Variants in HECTD2 observed in about 807,000 individuals in gnomAD.
HECTD2 encodes the protein HECT domain E3 ubiquitin protein ligase 2.
A neutral mutation model predicts 103.2 loss-of-function variants in HECTD2; 35 were observed. That is an observed-to-expected ratio of 0.34 (90% CI 0.26 to 0.45). The LOEUF is 0.45. HECTD2 is among the 20% of genes least tolerant of loss of function. The pLI is 1.00. For missense variants in HECTD2, 596 were observed against 937.4 expected (o/e 0.64, Z 4.76); for synonymous variants, 281 against 329.9 (o/e 0.85, Z 1.61).
chr10:91,419,272 A>G (rs1017957940), intron 1 of HECTD2, among the ~76,000 whole-genome samples: 2 of 152,244 alleles, frequency 1.3e-5, no homozygotes, highest in Non-Finnish European at 2.9e-5. Flanking sequence ...TGGCATTGGT[A>G]GAAAAATATG....
At chr10:91,491,132 G>A in intron 11 of HECTD2, 68 bp from the exon 12 acceptor site, 1 of 736,410 alleles carries the variant, frequency 1.4e-6, no homozygotes, top group Non-Finnish European at 2.4e-6. Context: ...TTACTAAAGT[G>A]TTTAAATGTT....
chr10:91,418,920 C>T (rs144768243), intron 1 of HECTD2, among the ~76,000 whole-genome samples: 1 of 152,272 alleles, frequency 6.6e-6, no homozygotes, highest in East Asian at 1.9e-4. Flanking sequence ...CAGGAAGCTA[C>T]TCATTCTTTT....
At chr10:91,416,852 C>A (rs1016390112) in intron 1 of HECTD2, among the ~76,000 whole-genome samples, 4 of 152,110 alleles carry the variant, frequency 2.6e-5, no homozygotes, top group Non-Finnish European at 5.9e-5. Context: ...TATTATCCTT[C>A]CCACCACCCC....
chr10:91,428,102 C>T (rs1219701853), intron 2 of HECTD2, among the ~76,000 whole-genome samples: 2 of 151,226 alleles, frequency 1.3e-5, no homozygotes, highest in African/African-American at 4.9e-5. Flanking sequence ...TATGGCTAGC[C>T]AGTTTTCCCA....
chr10:91,451,481 G>C (rs1478945219), intron 2 of HECTD2, among the ~76,000 whole-genome samples: 1 of 151,758 alleles, frequency 6.6e-6, no homozygotes, highest in African/African-American at 2.4e-5. Flanking sequence ...TAACAAACCT[G>C]CACGTTCTGC....
intron 5 of HECTD2, chr10:91,462,564 G>C: frequency 9.7e-7 from 1 of 1,030,954 alleles, no homozygotes; most frequent in Non-Finnish European, 1.2e-6. Flanking sequence ...TTCAGATTCA[G>C]TAGGTCTTGG....
At chr10:91,504,922 G>T (rs571560897) in intron 20 of HECTD2, among the ~76,000 whole-genome samples, 18 of 152,176 alleles carry the variant, frequency 1.2e-4, no homozygotes, top group Non-Finnish European at 2.4e-4. Flanking sequence ...GACTAACAGC[G>T]GATCTCTTGG....
intron 2 of HECTD2, among the ~76,000 whole-genome samples, chr10:91,457,607 A>G (rs1422284337): frequency 6.6e-6 from 1 of 152,082 alleles, no homozygotes; most frequent in Non-Finnish European, 1.5e-5. Context: ...TCATAATGAA[A>G]AAAATTAAAA....
chr10:91,437,373 G>T (rs199800784), intron 2 of HECTD2, among the ~76,000 whole-genome samples: 1 of 151,974 alleles, frequency 6.6e-6, no homozygotes, highest in Non-Finnish European at 1.5e-5. Context: ...CTCACAGCAT[G>T]GTGACGGAAT....
intron 6 of HECTD2, among the ~76,000 whole-genome samples, chr10:91,478,793 T>C (rs1188782358): frequency 1.3e-5 from 2 of 151,746 alleles, no homozygotes; most frequent in East Asian, 1.9e-4. Flanking sequence ...TAAAAATACA[T>C]ATTTAAATTT....
chr10:91,445,419 C>T (rs1844558890), intron 2 of HECTD2, among the ~76,000 whole-genome samples: 1 of 152,000 alleles, frequency 6.6e-6, no homozygotes, highest in Non-Finnish European at 1.5e-5. Flanking sequence ...CCTTGAGTTT[C>T]AATATAAATA....
At position 91,498,192 on chromosome 10, in the gene HECTD2, A is replaced by G. The variant is rs1178025067; in HGVS notation, c.1755+10A>G. The G allele has an allele frequency of 9.6e-6, 15 of 1,557,986 alleles. No individual in the cohort carries two copies. The highest frequency in any genetic ancestry group is 1.3e-5 in the Non-Finnish European group (15 of 1,129,316). On this transcript the variant is annotated intron_variant, in intron 16 of 20. Transcript: ENST00000298068. ...CTATTCAACATTTCAGGTACTATTA[A>G]GGGCAAGTAGTTATCTGTTAATCAT... is the stretch of plus-strand genomic sequence containing the variant.
chr10:91,445,083 G>C (rs1844542209), intron 2 of HECTD2, among the ~76,000 whole-genome samples: 1 of 152,176 alleles, frequency 6.6e-6, no homozygotes, highest in Non-Finnish European at 1.5e-5. Flanking sequence ...AAGGGTGTGA[G>C]ATTATCAGCC....
At chr10:91,482,222 T>G (rs931424983) in intron 7 of HECTD2, among the ~76,000 whole-genome samples, 1 of 151,882 alleles carries the variant, frequency 6.6e-6, no homozygotes, top group Non-Finnish European at 1.5e-5. Flanking sequence ...TGTCAATAAG[T>G]CAGTTTTGAA....
At chr10:91,418,332 C>G (rs1053146726) in intron 1 of HECTD2, among the ~76,000 whole-genome samples, 8 of 152,236 alleles carry the variant, frequency 5.3e-5, no homozygotes, top group South Asian at 4.1e-4. Flanking sequence ...AATAAAATCT[C>G]TAATGCCACC....
At chr10:91,417,672 A>G (rs1403178895) in intron 1 of HECTD2, among the ~76,000 whole-genome samples, 4 of 152,062 alleles carry the variant, frequency 2.6e-5, no homozygotes, top group African/African-American at 7.2e-5. Context: ...AGCTTCATCC[A>G]TGTCCCTACA....
chr10:91,437,170 G>A (rs1031192591), intron 2 of HECTD2, among the ~76,000 whole-genome samples: 1 of 152,008 alleles, frequency 6.6e-6, no homozygotes, highest in African/African-American at 2.4e-5. Context: ...TCACAAATAT[G>A]TAATTTGTGT....
chr10:91,469,910 C>G (rs1002515121), intron 5 of HECTD2, among the ~76,000 whole-genome samples: 1 of 152,146 alleles, frequency 6.6e-6, no homozygotes, highest in South Asian at 2.1e-4. Context: ...GAAAAAAGAG[C>G]AGGGATTGTT....
At chr10:91,462,216 CTG>C (rs1299995440) in intron 5 of HECTD2, 32 bp downstream of exon 5, 12 of 1,546,692 alleles carry the variant, frequency 7.8e-6, no homozygotes, top group Non-Finnish European at 8.8e-6. Context: ...TAATATTATT[CTG>C]TGTCTCTTCT....
Sources: gnomAD v4.1 joint callset for allele counts (sites outside exome capture counted in the v4.1 genomes callset) on GRCh38, gnomAD v4.1.1 for gene constraint, MANE v1.5 for transcripts, NCBI Gene and HGNC (gene_info 2026-07-23, HGNC 2026-07-21) for gene names.